Variants in DCC observed in about 807,000 individuals in gnomAD.
DCC encodes the protein DCC netrin 1 receptor.
Under a neutral mutation model 172.5 loss-of-function variants are expected in DCC, and 58 were observed. The ratio of observed to expected loss-of-function variants is 0.34; its 90% CI spans 0.27 to 0.42. The LOEUF (loss-of-function observed/expected upper bound fraction) is 0.42. Among genes scored for constraint, DCC ranks in the 10% least tolerant of loss-of-function variants. The pLI, the probability that DCC is intolerant of heterozygous loss-of-function variation, is 1.00. For synonymous variants in DCC, 709 were observed against 644.5 expected (o/e 1.10, Z -1.52); for missense variants, 1,740 against 1,791.0 (o/e 0.97, Z 0.51).
chr18:52,738,741 C>G (rs1354997704), intron 1 of DCC, among the ~76,000 whole-genome samples: 4 of 149,864 alleles, frequency 2.7e-5, no homozygotes, highest in African/African-American at 7.3e-5. Flanking sequence ...TTCTTTCTTT[C>G]TTTGTTTTTT....
At chr18:53,278,549 T>A (rs1395685372) in intron 12 of DCC, among the ~76,000 whole-genome samples, 1 of 152,144 alleles carries the variant, frequency 6.6e-6, no homozygotes, top group Non-Finnish European at 1.5e-5. Context: ...TAGGTCCTCT[T>A]TTCCCTCTGC....
intron 5 of DCC, among the ~76,000 whole-genome samples, chr18:53,058,445 T>A (rs1214733440): frequency 2.0e-5 from 3 of 152,048 alleles, no homozygotes; most frequent in African/African-American, 7.2e-5. Flanking sequence ...AAATGGTACT[T>A]CCCATTACCC....
At chr18:53,268,806 G>A (rs1003085733) in intron 12 of DCC, among the ~76,000 whole-genome samples, 2 of 152,188 alleles carry the variant, frequency 1.3e-5, no homozygotes, top group Non-Finnish European at 2.9e-5. Flanking sequence ...CTGCCACTGT[G>A]TGTCAGCTAA....
chr18:53,063,282 C>CTTTT (rs751734760), intron 5 of DCC, 23 bp from the exon 6 acceptor site: 1 of 1,463,318 alleles, frequency 6.8e-7, no homozygotes, highest in Non-Finnish European at 9.4e-7. Context: ...CACTCACTCA[C>CTTTT]TTTTTTTTTT....
At chr18:52,372,258 T>A (rs1405616548) in intron 1 of DCC, among the ~76,000 whole-genome samples, 2 of 152,204 alleles carry the variant, frequency 1.3e-5, no homozygotes, top group African/African-American at 2.4e-5. Flanking sequence ...CCCGTGTAGC[T>A]GTAGTGCTGA....
intron 7 of DCC, among the ~76,000 whole-genome samples, chr18:53,135,781 G>A (rs1224282068): frequency 2.0e-5 from 3 of 152,104 alleles, no homozygotes; most frequent in African/African-American, 4.8e-5. Context: ...GGGAACATTT[G>A]AGAGTGATTG....
At chr18:52,793,842 TC>T (rs1460144801) in intron 2 of DCC, among the ~76,000 whole-genome samples, 2 of 152,222 alleles carry the variant, frequency 1.3e-5, no homozygotes, top group Non-Finnish European at 2.9e-5. Context: ...GTAGTTTCAT[TC>T]TTCTGCCTGT....
intron 2 of DCC, among the ~76,000 whole-genome samples, chr18:52,759,993 G>A (rs1448444255): frequency 6.6e-6 from 1 of 152,168 alleles, no homozygotes; most frequent in Admixed American, 6.5e-5. Context: ...GGGAACTTGA[G>A]TAAGGTCTGA....
intron 1 of DCC, among the ~76,000 whole-genome samples, chr18:52,470,033 T>G (rs1351134496): frequency 6.6e-6 from 1 of 152,172 alleles, no homozygotes; most frequent in Non-Finnish European, 1.5e-5. Flanking sequence ...ACACATGGGA[T>G]TTGTTGATTA....
chr18:52,455,440 T>C (rs1598832094), intron 1 of DCC, among the ~76,000 whole-genome samples: 1 of 152,324 alleles, frequency 6.6e-6, no homozygotes, highest in South Asian at 2.1e-4. Flanking sequence ...TTCTTCTTTG[T>C]CCCAACCAGA....
intron 1 of DCC, among the ~76,000 whole-genome samples, chr18:52,461,319 T>C (rs1988622332): frequency 6.6e-6 from 1 of 152,190 alleles, no homozygotes; most frequent in Non-Finnish European, 1.5e-5. Context: ...CCTGAGATAA[T>C]ATTACTTCTT....
At chr18:53,262,985 T>A (rs752325726) in intron 12 of DCC, among the ~76,000 whole-genome samples, 33 of 152,304 alleles carry the variant, frequency 2.2e-4, no homozygotes, top group Non-Finnish European at 4.3e-4. Flanking sequence ...TATTGGTCTT[T>A]CATTGGTAAG....
intron 1 of DCC, among the ~76,000 whole-genome samples, chr18:52,462,471 C>G (rs139241031): frequency 6.6e-6 from 1 of 152,280 alleles, no homozygotes; most frequent in Non-Finnish European, 1.5e-5. Flanking sequence ...TCAGGCCTAC[C>G]TGCTTACTTT....
chr18:52,818,235 C>G (rs924594074), intron 2 of DCC: 1 of 147,916 alleles, frequency 6.8e-6, no homozygotes, highest in Non-Finnish European at 1.5e-5. Context: ...TAAAAATTAG[C>G]TGAGTATGGT....
intron 5 of DCC, among the ~76,000 whole-genome samples, chr18:52,962,444 G>A (rs1200350082): frequency 6.7e-6 from 1 of 149,882 alleles, no homozygotes; most frequent in South Asian, 2.1e-4. Context: ...TCATTAAAAA[G>A]TCAGGAAACA....
intron 15 of DCC, among the ~76,000 whole-genome samples, chr18:53,352,270 T>C (rs1432865135): frequency 1.3e-5 from 2 of 152,152 alleles, no homozygotes; most frequent in Non-Finnish European, 2.9e-5. Context: ...GAGGTATTTA[T>C]TATTTGTTCT....
chr18:53,079,922 C>G lies in DCC; in HGVS notation c.1261+13756C>G, dbSNP rs531741538. Reference sequence around the variant, plus strand: ...ATGCAGGGGCTGGATCACAGAGTATCTTTTAGAATATACAAAGAAAATTGG... The same window carrying G: ...ATGCAGGGGCTGGATCACAGAGTATGTTTTAGAATATACAAAGAAAATTGG... On this transcript the variant is annotated intron_variant, in intron 7 of 28. Transcript: ENST00000442544. Among the ~76,000 whole-genome samples, 14 of 152,216 alleles carry G rather than the reference C, an allele frequency of 9.2e-5. No homozygotes were observed. The South Asian group carries it at 2.5e-3, about 27-fold the overall frequency.
chr18:52,691,500 A>G (rs2145012437), intron 1 of DCC, among the ~76,000 whole-genome samples: 1 of 152,206 alleles, frequency 6.6e-6, no homozygotes, highest in South Asian at 2.1e-4. Flanking sequence ...TGTCTCCTCC[A>G]GATTCTGGTG....
intron 27 of DCC, among the ~76,000 whole-genome samples, chr18:53,508,280 C>T (rs1482767832): frequency 6.6e-6 from 1 of 151,522 alleles, no homozygotes; most frequent in African/African-American, 2.4e-5. Flanking sequence ...GAAGCTTTGT[C>T]CTCCCTGGCA....
Sources: allele counts gnomAD v4.1 joint callset (sites outside exome capture counted in the v4.1 genomes callset), GRCh38; gene constraint gnomAD v4.1.1; transcripts MANE v1.5; gene names NCBI Gene and HGNC (gene_info 2026-07-23, HGNC 2026-07-21).